ACVR2A: variants seen among roughly 807,000 people sequenced by gnomAD.
ACVR2A encodes activin receptor type-2A.
ACVR2A carries 7 observed loss-of-function variants against 61.4 expected under a neutral mutation model. That is an observed-to-expected ratio of 0.11 (90% CI 0.06 to 0.21). ACVR2A has a LOEUF of 0.21. Among genes scored for constraint, ACVR2A ranks in the 10% least tolerant of loss-of-function variants. The pLI, the probability that ACVR2A is intolerant of heterozygous loss-of-function variation, is 1.00. For missense variants in ACVR2A, 322 were observed against 621.7 expected, an observed-to-expected ratio of 0.52 and a Z score of 5.13; for synonymous variants, 193 against 208.3, an observed-to-expected ratio of 0.93 and a Z score of 0.63.
At chr2:147,864,794 A>G (rs1685811951) in intron 1 of ACVR2A, among the ~76,000 whole-genome samples, 1 of 152,180 alleles carries the variant, frequency 6.6e-6, no homozygotes, top group Non-Finnish European at 1.5e-5. Flanking sequence ...AGTTGTTGAA[A>G]TCAACCAACA....
chr2:147,857,082 C>T (rs1039615520), intron 1 of ACVR2A, among the ~76,000 whole-genome samples: 1 of 152,056 alleles, frequency 6.6e-6, no homozygotes, highest in Non-Finnish European at 1.5e-5. Flanking sequence ...CGGAATGATG[C>T]TTAGGAAGAA....
chr2:147,912,696 T>C (rs1379914780), intron 4 of ACVR2A, among the ~76,000 whole-genome samples: 1 of 151,966 alleles, frequency 6.6e-6, no homozygotes, highest in East Asian at 1.9e-4. Flanking sequence ...TCTAGTAATT[T>C]TTTATTTAAA....
At chr2:147,867,769 T>C (rs998701516) in intron 1 of ACVR2A, among the ~76,000 whole-genome samples, 4 of 152,182 alleles carry the variant, frequency 2.6e-5, no homozygotes, top group African/African-American at 9.7e-5. Flanking sequence ...AAAGTCAAGC[T>C]TTTTAACAAT....
rs1004816000 is a variant in ACVR2A, at chr2:147,927,539, C to G, written c.*265C>G. The G allele has an allele frequency of 3.6e-6, 1 of 274,896 alleles. No homozygotes were observed. The highest frequency in any genetic ancestry group is 6.7e-6 in the Non-Finnish European group (1 of 149,114). The allele number at this position is 274,896 out of a possible 1,614,324, so 17.0% of individuals were successfully genotyped here. A position where few individuals can be genotyped will look rare whatever the true frequency, so the allele number is the denominator to read the frequency against. On this transcript the variant is annotated 3_prime_UTR_variant, in exon 11 of 11. Transcript: ENST00000241416. ...AAAAGTGTACATGAAGAATGTAGCC[C>G]TCTCCAAATCAAGGATCTTTTGGAC...
chr2:147,844,622 C>A, upstream of ACVR2A: 1 of 155,686 alleles, frequency 6.4e-6, no homozygotes, highest in Non-Finnish European at 1.4e-5. Context: ...GCCCGCCGCC[C>A]CTTCCCCGCG....
At chr2:147,858,880 GTAT>G (rs1230936018) in intron 1 of ACVR2A, among the ~76,000 whole-genome samples, 2 of 152,006 alleles carry the variant, frequency 1.3e-5, no homozygotes, top group Non-Finnish European at 2.9e-5. Context: ...GTGTCACAGA[GTAT>G]TATTATTTTG....
intron 1 of ACVR2A, among the ~76,000 whole-genome samples, chr2:147,857,549 AAAC>A (rs1326964990): frequency 6.6e-6 from 1 of 151,566 alleles, no homozygotes; most frequent in African/African-American, 2.4e-5. Flanking sequence ...AAAAAAAAAA[AAAC>A]AAAAAAACCC....
intron 1 of ACVR2A, among the ~76,000 whole-genome samples, chr2:147,876,729 G>A (rs1686166652): frequency 6.6e-6 from 1 of 152,056 alleles, no homozygotes; most frequent in Non-Finnish European, 1.5e-5. Context: ...GGAGCAGGTG[G>A]ATGAAAGTGA....
At chr2:147,850,706 A>AAGG (rs142894296) in intron 1 of ACVR2A, among the ~76,000 whole-genome samples, 5 of 152,168 alleles carry the variant, frequency 3.3e-5, no homozygotes, top group African/African-American at 4.8e-5. Context: ...TGTATAGAGG[A>AAGG]AGGAGGAGGA....
In ACVR2A at chr2:147,899,732, C is replaced by G. The variant is rs756667219; in HGVS notation, c.374-12C>G. ...ACCAAATCTGAGTTATTTTTCCCCC[C>G]CTTTTCCACAGCCACTTCAAATCCA... On this transcript the variant is annotated splice_polypyrimidine_tract_variant and intron_variant, in intron 3 of 10. Transcript: ENST00000241416. 5.0e-6 allele frequency: 8 copies of G among 1,611,042 alleles called. No homozygotes were observed. The highest frequency in any genetic ancestry group is 1.3e-5 in the African/African-American group (1 of 74,918).
At chr2:147,867,812 G>A (rs1685902646) in intron 1 of ACVR2A, among the ~76,000 whole-genome samples, 1 of 151,934 alleles carries the variant, frequency 6.6e-6, no homozygotes, top group Admixed American at 6.6e-5. Context: ...TTCTTTTCCA[G>A]CTTCATTTCC....
At chr2:147,909,815 AT>A (rs987899164) in intron 4 of ACVR2A, among the ~76,000 whole-genome samples, 3 of 151,722 alleles carry the variant, frequency 2.0e-5, no homozygotes, top group South Asian at 2.1e-4. Flanking sequence ...TTTTTAAAAA[AT>A]TTTTTTGTAG....
At position 147,929,300 on chromosome 2, in the gene ACVR2A, A is replaced by G. The variant is rs1388218780; in HGVS notation, c.*2026A>G. ...TAATCAAGAAGGGAAAATATTGAGA[A>G]TGTGCATACAAGAAAATCATTAATT... On this transcript the variant is annotated 3_prime_UTR_variant, in exon 11 of 11. Coordinates refer to ENST00000241416, the MANE Select transcript of ACVR2A (RefSeq NM_001616.5). The G allele has an allele frequency of 2.0e-5, 3 of 152,032 alleles. No homozygotes were observed. The highest frequency in any genetic ancestry group is 4.4e-5 in the Non-Finnish European group (3 of 67,958). The allele number at this position is 152,032 out of a possible 1,614,324, so 9.4% of individuals were successfully genotyped here.
chr2:147,905,999 G>T (rs12987286), intron 4 of ACVR2A, among the ~76,000 whole-genome samples: 39,291 of 151,936 alleles, frequency 0.26, 5,912 homozygotes, highest in East Asian at 0.46. Context: ...TCTTTGGCTT[G>T]TACAGGGTCT....
chr2:147,873,675 G>A (rs1308820226), intron 1 of ACVR2A, among the ~76,000 whole-genome samples: 4 of 151,886 alleles, frequency 2.6e-5, no homozygotes, highest in Non-Finnish European at 5.9e-5. Flanking sequence ...AGAAACTGGT[G>A]TGGAATGAAA....
At position 147,878,356 on chromosome 2, in the gene ACVR2A, A is replaced by G. The variant is rs557608579; in HGVS notation, c.56-17945A>G. Among the ~76,000 whole-genome samples, 11 of 152,300 alleles carry G rather than the reference A, an allele frequency of 7.2e-5. No individual in the cohort carries two copies. In the South Asian group the frequency reaches 1.7e-3, roughly 23 times the overall value. On this transcript the variant is annotated intron_variant, in intron 1 of 10. Coordinates refer to ENST00000241416, the MANE Select transcript of ACVR2A (RefSeq NM_001616.5). ...TAGTACTTACGTAAGCCAGTATCGA[A>G]AACAACTTTGGTGATTGTTGAAAGG...
chr2:147,888,244 G>A (rs1279945094), intron 1 of ACVR2A, among the ~76,000 whole-genome samples: 1 of 152,068 alleles, frequency 6.6e-6, no homozygotes, highest in Non-Finnish European at 1.5e-5. Flanking sequence ...CTTAACGTCA[G>A]GAAAGCGGGT....
chr2:147,888,140 T>A (rs1321409226), intron 1 of ACVR2A, among the ~76,000 whole-genome samples: 1 of 152,172 alleles, frequency 6.6e-6, no homozygotes. Flanking sequence ...TGTATGTAGA[T>A]CTCTTTCTGG....
intron 1 of ACVR2A, among the ~76,000 whole-genome samples, chr2:147,857,137 G>C (rs777569013): frequency 1.3e-5 from 2 of 152,106 alleles, no homozygotes; most frequent in Admixed American, 6.5e-5. Context: ...TGGAGTAAAA[G>C]TAAAAGGTTA....
Sources: allele counts gnomAD v4.1 joint callset (sites outside exome capture counted in the v4.1 genomes callset), GRCh38; gene constraint gnomAD v4.1.1; transcripts MANE v1.5; gene names NCBI Gene and HGNC (gene_info 2026-07-23, HGNC 2026-07-21).